Variants in PDE1A observed in about 807,000 individuals in gnomAD.
PDE1A encodes phosphodiesterase 1A.
A neutral mutation model predicts 61.7 loss-of-function variants in PDE1A; 35 were observed. The observed-to-expected ratio is 0.57, with a 90% CI of 0.43 to 0.75. The LOEUF is 0.75. Among genes scored for constraint, PDE1A ranks in the 30% least tolerant of loss-of-function variants. The probability of loss-of-function intolerance (pLI) is 0.00; values close to 1 mark genes in which losing one functional copy is unlikely to be tolerated. For synonymous variants in PDE1A, 232 were observed against 213.2 expected (o/e 1.09, Z -0.77); for missense variants, 597 against 630.6 (o/e 0.95, Z 0.57).
the PDE1A span, among the ~76,000 whole-genome samples, chr2:182,655,244 C>A: frequency 6.6e-6 from 1 of 152,132 alleles, no homozygotes; most frequent in Non-Finnish European, 1.5e-5. Context: ...CTAACATGCC[C>A]ACTTCCCTGA....
At chr2:182,278,874 A>G (rs1410733823) in intron 1 of PDE1A, among the ~76,000 whole-genome samples, 1 of 152,044 alleles carries the variant, frequency 6.6e-6, no homozygotes, top group Non-Finnish European at 1.5e-5. Flanking sequence ...TTTTAAAGTA[A>G]GCCAAACACA....
chr2:182,143,569 G>A (rs527657293), downstream of PDE1A, among the ~76,000 whole-genome samples: 91 of 152,168 alleles, frequency 6.0e-4, no homozygotes, highest in African/African-American at 2.1e-3. Context: ...AGGCTGGAGT[G>A]CAGTGGCGCC....
chr2:182,407,953 A>C (rs1702396698), intron 1 of PDE1A, among the ~76,000 whole-genome samples: 1 of 152,182 alleles, frequency 6.6e-6, no homozygotes, highest in South Asian at 2.1e-4. Flanking sequence ...ATAAGTAGAT[A>C]ATTTAAACTC....
At position 182,201,675 on chromosome 2, in the gene PDE1A, A is replaced by G; in HGVS notation, c.1004+13T>C. On this transcript the variant is annotated intron_variant, in intron 9 of 13. Coordinates refer to ENST00000351439, the Ensembl canonical transcript of PDE1A. ...CAAAAAAAAAAAAACAACAAAAAAA[A>G]CACAAAACCTACCCTTCAGGCTGCT... 6.4e-7 allele frequency: 1 copy of G among 1,571,272 alleles called. No homozygotes were observed. Among genetic ancestry groups the G allele is most frequent in the Non-Finnish European group, 8.6e-7 (1 of 1,163,948 alleles).
intron 10 of PDE1A, 77 bp from the exon 11 acceptor site, chr2:182,189,137 T>G: frequency 1.2e-6 from 1 of 806,422 alleles, no homozygotes. Context: ...ATATAAAGCC[T>G]AGAAAAGCCA....
intron 1 of PDE1A, among the ~76,000 whole-genome samples, chr2:182,383,710 A>T (rs573718030): frequency 5.8e-4 from 89 of 152,304 alleles, no homozygotes; most frequent in African/African-American, 2.1e-3. Flanking sequence ...AAACCAGGTG[A>T]GAGATCACAG....
intron 7 of PDE1A, among the ~76,000 whole-genome samples, chr2:182,219,682 CT>C (rs1688555413): frequency 6.6e-6 from 1 of 152,078 alleles, no homozygotes; most frequent in Non-Finnish European, 1.5e-5. Context: ...CTGTTTCAGG[CT>C]TTTCAGTGGG....
chr2:182,556,790 A>C, the PDE1A span, among the ~76,000 whole-genome samples: 2 of 152,206 alleles, frequency 1.3e-5, no homozygotes, highest in African/African-American at 4.8e-5. Flanking sequence ...CAGCCTTTTC[A>C]ATTTCTATTT....
chr2:182,641,202 C>T, the PDE1A span, among the ~76,000 whole-genome samples: 7 of 151,688 alleles, frequency 4.6e-5, no homozygotes, highest in African/African-American at 1.7e-4. Context: ...AAGATGGTTG[C>T]CTATGTAAGA....
chr2:182,170,379 C>A (rs973103256), intron 13 of PDE1A, among the ~76,000 whole-genome samples: 2 of 151,930 alleles, frequency 1.3e-5, no homozygotes, highest in African/African-American at 4.8e-5. Flanking sequence ...ATAAAAATAT[C>A]TGTGAGATAT....
At chr2:182,245,491 C>A (rs1690877500) in intron 2 of PDE1A, among the ~76,000 whole-genome samples, 1 of 152,076 alleles carries the variant, frequency 6.6e-6, no homozygotes, top group Non-Finnish European at 1.5e-5. Flanking sequence ...AATCCCTATA[C>A]TTCATCTATT....
the PDE1A span, among the ~76,000 whole-genome samples, chr2:182,691,840 A>T: frequency 1.3e-5 from 2 of 152,116 alleles, no homozygotes; most frequent in Non-Finnish European, 2.9e-5. Flanking sequence ...CAAGAAAAAA[A>T]AAACCCCATC....
At chr2:182,468,726 T>C (rs1686831261) in intron 2 of PDE1A, among the ~76,000 whole-genome samples, 1 of 152,028 alleles carries the variant, frequency 6.6e-6, no homozygotes, top group African/African-American at 2.4e-5. Flanking sequence ...CTGTGGCAAC[T>C]ATAGCCTCAT....
chr2:182,194,561 T>C (rs1294981352), intron 10 of PDE1A, among the ~76,000 whole-genome samples: 2 of 152,096 alleles, frequency 1.3e-5, no homozygotes, highest in Non-Finnish European at 2.9e-5. Flanking sequence ...CTCTACTGCC[T>C]TTTACCATTA....
intron 1 of PDE1A, among the ~76,000 whole-genome samples, chr2:182,401,682 C>T (rs754962601): frequency 6.6e-6 from 1 of 152,264 alleles, no homozygotes. Flanking sequence ...CCAGGGCAAT[C>T]AGGCAAAAGA....
At chr2:182,668,312 C>G in the PDE1A span, among the ~76,000 whole-genome samples, 1 of 152,108 alleles carries the variant, frequency 6.6e-6, no homozygotes, top group African/African-American at 2.4e-5. Context: ...CACATCACAA[C>G]AGTGACAAAT....
chr2:182,283,896 C>CT (rs35617426), intron 1 of PDE1A, among the ~76,000 whole-genome samples: 1 of 152,060 alleles, frequency 6.6e-6, no homozygotes, highest in African/African-American at 2.4e-5. Flanking sequence ...ATTTTAACAT[C>CT]TTTTTTTACA....
chr2:182,555,189 A>G, the PDE1A span, among the ~76,000 whole-genome samples: 2 of 152,232 alleles, frequency 1.3e-5, no homozygotes, highest in South Asian at 4.1e-4. Flanking sequence ...ACTCTAGACA[A>G]TAAACAGAAT....
At chr2:182,562,021 C>T in the PDE1A span, among the ~76,000 whole-genome samples, 1 of 151,058 alleles carries the variant, frequency 6.6e-6, no homozygotes, top group Non-Finnish European at 1.5e-5. Flanking sequence ...ATTTGACTTC[C>T]TCTTTTCCTA....
Sources: allele counts gnomAD v4.1 joint callset (sites outside exome capture counted in the v4.1 genomes callset), GRCh38; gene constraint gnomAD v4.1.1; transcripts MANE v1.5; gene names NCBI Gene and HGNC (gene_info 2026-07-23, HGNC 2026-07-21).